PAPPA2: variants seen among roughly 807,000 people sequenced by gnomAD.
PAPPA2 encodes the protein pappalysin-2.
Under a neutral mutation model 176.4 loss-of-function variants are expected in PAPPA2, and 86 were observed. That is an observed-to-expected ratio of 0.49 (90% CI 0.41 to 0.58). The LOEUF is 0.58. PAPPA2 is among the 20% of genes least tolerant of loss of function. PAPPA2 has a pLI of 0.00. For missense variants in PAPPA2, 2,073 were observed against 2,256.9 expected, an observed-to-expected ratio of 0.92 and a Z score of 1.65; for synonymous variants, 809 against 852.2, an observed-to-expected ratio of 0.95 and a Z score of 0.88.
chr1:176,684,020 G>A (rs931525488), intron 4 of PAPPA2, among the ~76,000 whole-genome samples: 1 of 152,252 alleles, frequency 6.6e-6, no homozygotes, highest in East Asian at 1.9e-4. Context: ...GGTAGTATGA[G>A]AGCAAGGGTC....
chr1:176,583,041 C>A (rs1270033993), intron 2 of PAPPA2, among the ~76,000 whole-genome samples: 1 of 152,022 alleles, frequency 6.6e-6, no homozygotes, highest in Non-Finnish European at 1.5e-5. Context: ...TTGAAGCATT[C>A]ATAATAGTTT....
intron 3 of PAPPA2, among the ~76,000 whole-genome samples, chr1:176,613,070 T>C (rs1010150351): frequency 2.0e-5 from 3 of 152,196 alleles, no homozygotes; most frequent in Non-Finnish European, 4.4e-5. Context: ...AAGAAGGCAG[T>C]TGTCTCTTGG....
chr1:176,596,105 G>A (rs976758850), intron 3 of PAPPA2, among the ~76,000 whole-genome samples: 19 of 152,286 alleles, frequency 1.2e-4, no homozygotes, highest in South Asian at 4.1e-4. Context: ...GTTACATCTC[G>A]CCACTAGTCT....
At chr1:176,669,885 T>A (rs1365229240) in intron 3 of PAPPA2, among the ~76,000 whole-genome samples, 1 of 152,144 alleles carries the variant, frequency 6.6e-6, no homozygotes, top group Non-Finnish European at 1.5e-5. Flanking sequence ...TCTAGGGTGG[T>A]AGATTTCAAT....
At chr1:176,694,498 G>C (rs1466356461) in intron 6 of PAPPA2, among the ~76,000 whole-genome samples, 1 of 152,192 alleles carries the variant, frequency 6.6e-6, no homozygotes, top group East Asian at 1.9e-4. Context: ...TTCAGAAATG[G>C]GAGCAGCTGT....
intron 21 of PAPPA2, among the ~76,000 whole-genome samples, chr1:176,829,645 T>C (rs1446480310): frequency 6.6e-6 from 1 of 152,244 alleles, no homozygotes; most frequent in African/African-American, 2.4e-5. Flanking sequence ...TGGGGTCACA[T>C]GCTTTTCCTT....
At chr1:176,470,880 T>TA (rs924636981) in intron 1 of PAPPA2, among the ~76,000 whole-genome samples, 5 of 151,746 alleles carry the variant, frequency 3.3e-5, no homozygotes, top group African/African-American at 7.3e-5. Flanking sequence ...TTTTTTTTTT[T>TA]AAAGTTTTAG....
rs191164315 is a variant in PAPPA2, at chr1:176,468,181, C to T, written c.-917+4763C>T. Among the ~76,000 whole-genome samples, 13 of 152,280 alleles carry T rather than the reference C, an allele frequency of 8.5e-5. No individual in the cohort carries two copies. The East Asian group carries it at 2.1e-3, about 25-fold the overall frequency. ...CCAGAGAGGAAGGTGATGTTTAACA[C>T]GGGCCTCTGAGATTCTTCCATCCTG... On this transcript the variant is annotated intron_variant, in intron 1 of 22. Coordinates refer to ENST00000367662, the MANE Select transcript of PAPPA2 (RefSeq NM_020318.3).
At chr1:176,739,806 G>A (rs966187944) in intron 13 of PAPPA2, 45 bp downstream of exon 13, 86 of 1,603,898 alleles carry the variant, frequency 5.4e-5, no homozygotes, top group East Asian at 2.0e-4. Flanking sequence ...AGGACAACCC[G>A]GTAGACCCAG....
In PAPPA2 at chr1:176,627,133, G is replaced by A. The variant is rs1386341161; in HGVS notation, c.1991+31538G>A. ...TGGTACTAAAAGAAAGACTGGCTCT[G>A]TTCTTGAGGCATCTAGCTACCAAGA... On this transcript the variant is annotated intron_variant, in intron 3 of 22. Transcript: ENST00000367662. 2.5e-4 allele frequency among the ~76,000 whole-genome samples: 38 copies of A among 151,986 alleles called. 1 individual carries two copies. The highest frequency in any genetic ancestry group is 2.5e-3 in the Admixed American group (38 of 15,262).
intron 15 of PAPPA2, among the ~76,000 whole-genome samples, chr1:176,768,884 T>C (rs143421462): frequency 6.6e-6 from 1 of 152,202 alleles, no homozygotes; most frequent in Admixed American, 6.5e-5. Flanking sequence ...TTATTTTCAG[T>C]AGCATTATCA....
intron 9 of PAPPA2, among the ~76,000 whole-genome samples, chr1:176,703,763 C>T (rs1232734340): frequency 1.3e-5 from 2 of 152,154 alleles, no homozygotes; most frequent in Non-Finnish European, 2.9e-5. Flanking sequence ...CTAAAATGTT[C>T]CCAGCCCTCG....
chr1:176,692,713 T>C (rs1339739172), intron 6 of PAPPA2, among the ~76,000 whole-genome samples: 1 of 152,164 alleles, frequency 6.6e-6, no homozygotes, highest in Non-Finnish European at 1.5e-5. Flanking sequence ...TCCAGGCACT[T>C]CTGGGTGTGG....
At chr1:176,490,410 G>A (rs1454144187) in intron 1 of PAPPA2, among the ~76,000 whole-genome samples, 1 of 152,076 alleles carries the variant, frequency 6.6e-6, no homozygotes, top group Admixed American at 6.6e-5. Context: ...TGGGAGAACA[G>A]GAAAGGTATT....
chr1:176,622,064 C>T (rs1655629423), intron 3 of PAPPA2, among the ~76,000 whole-genome samples: 1 of 151,924 alleles, frequency 6.6e-6, no homozygotes, highest in South Asian at 2.1e-4. Context: ...GAGAATTAGA[C>T]CTGAATTGGG....
chr1:176,582,219 G>A (rs528650175), intron 2 of PAPPA2, among the ~76,000 whole-genome samples: 118 of 152,150 alleles, frequency 7.8e-4, no homozygotes, highest in African/African-American at 2.7e-3. Context: ...GAGCCACCGC[G>A]CCCGGCCTAG....
rs137930785 is a variant in PAPPA2 at position 176,769,439 on chromosome 1, G to A, written c.4324-168G>A. 6.9e-4 allele frequency among the ~76,000 whole-genome samples: 105 copies of A among 152,288 alleles called. No homozygotes were observed. In the Middle Eastern group the frequency reaches 0.01, roughly 15 times the overall value. ...TTTTATCAGCATCATACTGAGTGTT[G>A]TAAGAATGTATATTAAAACAGTGAG... On this transcript the variant is annotated intron_variant, in intron 15 of 22. Transcript: ENST00000367662.
intron 14 of PAPPA2, among the ~76,000 whole-genome samples, chr1:176,755,189 G>A (rs2102892890): frequency 6.6e-6 from 1 of 152,172 alleles, no homozygotes; most frequent in Non-Finnish European, 1.5e-5. Context: ...AGCTTCTGTT[G>A]GGGAGTCTAG....
At chr1:176,570,136 C>T (rs1308623496) in intron 2 of PAPPA2, among the ~76,000 whole-genome samples, 4 of 152,140 alleles carry the variant, frequency 2.6e-5, no homozygotes, top group African/African-American at 4.8e-5. Flanking sequence ...TTCCCGTGGG[C>T]GGGAGGAAGA....
Sources: gnomAD v4.1 joint callset for allele counts (sites outside exome capture counted in the v4.1 genomes callset) on GRCh38, gnomAD v4.1.1 for gene constraint, MANE v1.5 for transcripts, NCBI Gene and HGNC (gene_info 2026-07-23, HGNC 2026-07-21) for gene names.